Variants in LMBR1 observed in about 807,000 individuals in gnomAD.
LMBR1 encodes the protein limb region 1 protein homolog.
Under a neutral mutation model 73.9 loss-of-function variants are expected in LMBR1, and 52 were observed. That is an observed-to-expected ratio of 0.70 (90% confidence interval 0.56 to 0.89). The LOEUF (loss-of-function observed/expected upper bound fraction) is 0.89. Ranked by LOEUF, LMBR1 falls within the 40% of genes least tolerant of loss-of-function variation. The pLI is 0.00. For synonymous variants in LMBR1, 215 were observed against 209.4 expected (o/e 1.03, Z -0.23); for missense variants, 539 against 579.8 (o/e 0.93, Z 0.72).
intron 4 of LMBR1, among the ~76,000 whole-genome samples, chr7:156,817,192 A>G (rs1834047484): frequency 6.6e-6 from 1 of 152,182 alleles, no homozygotes; most frequent in South Asian, 2.1e-4. Context: ...ATTTCAAACT[A>G]CAATATACAA....
chr7:156,681,142 A>C lies in LMBR1; in HGVS notation c.*2936T>G. On this transcript the variant is annotated 3_prime_UTR_variant, in exon 17 of 17. Coordinates refer to ENST00000353442, the MANE Select transcript of LMBR1 (RefSeq NM_022458.4). ...ATGCATTAAATAACGTGCTACCAAC[A>C]AAACTAGCACATAAGAGCCTGTAAA... 1 of 447,574 alleles carries C rather than the reference A, an allele frequency of 2.2e-6. No homozygotes were observed. The highest frequency in any genetic ancestry group is 4.5e-6 in the Non-Finnish European group (1 of 224,412). 27.7% of individuals were successfully genotyped at this position (447,574 alleles called of 1,614,324 possible). A position where few individuals can be genotyped will look rare whatever the true frequency, so the allele number is the denominator to read the frequency against.
intron 10 of LMBR1, among the ~76,000 whole-genome samples, chr7:156,733,121 G>A (rs1817173322): frequency 6.6e-6 from 1 of 152,090 alleles, no homozygotes; most frequent in African/African-American, 2.4e-5. Context: ...CTCTAGCCTG[G>A]GCGACAGAGT....
rs556700575 is a variant in LMBR1 at position 156,685,765 on chromosome 7, T to G, written c.1388-1602A>C. On this transcript the variant is annotated intron_variant, in intron 16 of 16. Transcript: ENST00000353442. The surrounding 1 kb of genome is among the most constrained non-coding windows in gnomAD (Gnocchi z 4.1). ...CACAGCAGCACTTCCACAGGGCAGA[T>G]GTTGAGAAAATACTTTTCACGAAGC... 2.8e-4 allele frequency among the ~76,000 whole-genome samples: 42 copies of G among 152,368 alleles called. No homozygotes were observed. Among genetic ancestry groups the G allele is most frequent in the African/African-American group, 8.4e-4 (35 of 41,590 alleles).
At chr7:156,767,040 C>T (rs1057148123) in intron 5 of LMBR1, among the ~76,000 whole-genome samples, 2 of 152,192 alleles carry the variant, frequency 1.3e-5, no homozygotes, top group African/African-American at 2.4e-5. Context: ...CCTTGCTTAA[C>T]GGTGTGGGCC....
rs368516777 is a variant in LMBR1, at chr7:156,727,213, T to C, written c.993+717A>G. Among the ~76,000 whole-genome samples, 3 of 152,330 alleles carry C rather than the reference T, an allele frequency of 2.0e-5. No homozygotes were observed. The South Asian group carries it at 6.2e-4, about 32-fold the overall frequency. ...GAGATAATACTTTGGAATTATGCTA[T>C]CTCAAGAGAAGCCATGTAGGAAGGA... On this transcript the variant is annotated intron_variant, in intron 12 of 16. Coordinates refer to ENST00000353442, the MANE Select transcript of LMBR1 (RefSeq NM_022458.4).
rs1260693802 is a variant in LMBR1, at chr7:156,779,521, T to C, written c.424-15726A>G. On this transcript the variant is annotated intron_variant, in intron 5 of 16. Coordinates refer to ENST00000353442, the MANE Select transcript of LMBR1 (RefSeq NM_022458.4). ...CACTTGTAGACACACAGATTTCTTT[T>C]AGATTTAAATGGGAACTAAATGGAT... The C allele has an allele frequency of 3.2e-5, 8 of 246,386 alleles. No homozygotes were observed. The highest frequency in any genetic ancestry group is 5.0e-5 in the Non-Finnish European group (6 of 120,840). 15.3% of individuals were successfully genotyped at this position (246,386 alleles called of 1,614,324 possible).
At chr7:156,862,809 G>T (rs1797916552) in intron 1 of LMBR1, among the ~76,000 whole-genome samples, 1 of 152,184 alleles carries the variant, frequency 6.6e-6, no homozygotes, top group Admixed American at 6.5e-5. Context: ...AATTTCTTCT[G>T]TCTGACAGCC....
Position 156,726,380 on chromosome 7 carries a change from C to A in LMBR1, c.994-543G>T, listed in dbSNP as rs114340207. Among the ~76,000 whole-genome samples the A allele has an allele frequency of 9.9e-4, 150 of 151,986 alleles. 1 individual carries two copies. Among genetic ancestry groups the A allele is most frequent in the Middle Eastern group, 3.4e-3 (1 of 292 alleles). ...GAGTTACAAAGGATGTAACTGTTAACATAGATTTTTAAAAAAGTAATGCTA... is the reference window on the plus strand; with the variant it reads ...GAGTTACAAAGGATGTAACTGTTAAAATAGATTTTTAAAAAAGTAATGCTA... On this transcript the variant is annotated intron_variant, in intron 12 of 16. Transcript: ENST00000353442.
intron 1 of LMBR1, among the ~76,000 whole-genome samples, chr7:156,880,676 G>A (rs1001019610): frequency 4.0e-5 from 6 of 151,238 alleles, no homozygotes; most frequent in East Asian, 1.9e-4. Flanking sequence ...TTTCTGAGAC[G>A]GAGTCTCACT....
At chr7:156,867,358 T>C (rs1473261331) in intron 1 of LMBR1, among the ~76,000 whole-genome samples, 5 of 152,220 alleles carry the variant, frequency 3.3e-5, no homozygotes, top group Non-Finnish European at 7.3e-5. Flanking sequence ...AGGTTGGCAG[T>C]TCCTCAAAAT....
chr7:156,746,328 C>G (rs986469242), intron 9 of LMBR1, among the ~76,000 whole-genome samples: 1 of 152,040 alleles, frequency 6.6e-6, no homozygotes, highest in African/African-American at 2.4e-5. Context: ...AAAAAATAAG[C>G]TCATGAGTAT....
At chr7:156,832,198 T>C in intron 3 of LMBR1, among the ~76,000 whole-genome samples, 1 of 152,196 alleles carries the variant, frequency 6.6e-6, no homozygotes, top group East Asian at 1.9e-4. Context: ...CCTATGTCAT[T>C]TAAAATAAAT....
intron 5 of LMBR1, among the ~76,000 whole-genome samples, chr7:156,772,363 C>T (rs1348923490): frequency 6.6e-6 from 1 of 152,168 alleles, no homozygotes; most frequent in East Asian, 1.9e-4. Flanking sequence ...TCTCAACAAA[C>T]TAGGCTTTGA....
intron 1 of LMBR1, among the ~76,000 whole-genome samples, chr7:156,875,340 G>A (rs1000296876): frequency 5.3e-5 from 8 of 152,160 alleles, no homozygotes; most frequent in Admixed American, 2.6e-4. Context: ...CCAAATCTAA[G>A]AATAACTGCC....
chr7:156,795,648 G>C (rs997027555), intron 5 of LMBR1, among the ~76,000 whole-genome samples: 5 of 152,098 alleles, frequency 3.3e-5, no homozygotes, highest in Admixed American at 6.6e-5. Context: ...CAACCTGCAG[G>C]CTCAAGCAAT....
At chr7:156,820,635 T>A (rs967255202) in intron 4 of LMBR1, among the ~76,000 whole-genome samples, 1 of 152,122 alleles carries the variant, frequency 6.6e-6, no homozygotes, top group Non-Finnish European at 1.5e-5. Flanking sequence ...AGGTGAAGGA[T>A]AAATTGTTGA....
chr7:156,864,110 C>T (rs573012867), intron 1 of LMBR1, among the ~76,000 whole-genome samples: 16 of 152,032 alleles, frequency 1.1e-4, no homozygotes, highest in Admixed American at 7.2e-4. Context: ...GCTGAGATCA[C>T]GCCACTGCAC....
chr7:156,742,814 A>ATGATG lies in LMBR1; in HGVS notation c.758-8558_758-8557insCATCA, dbSNP rs570937787. 2.4e-3 allele frequency among the ~76,000 whole-genome samples: 373 copies of ATGATG among 152,264 alleles called. 1 individual carries two copies. Among genetic ancestry groups the ATGATG allele is most frequent in the Middle Eastern group, 0.024 (7 of 294 alleles). On this transcript the variant is annotated intron_variant, in intron 9 of 16. Transcript: ENST00000353442. ...ACACATCAAAGAAAGCAAACTACAGACCAACATCTCTGATGAATATTGATG... is the reference window on the plus strand; with the variant it reads ...ACACATCAAAGAAAGCAAACTACAGATGATGCCAACATCTCTGATGAATATTGATG...
downstream of LMBR1, chr7:156,675,687 C>T (rs370799805): frequency 2.1e-5 from 33 of 1,606,566 alleles, no homozygotes; most frequent in African/African-American, 4.3e-4. Context: ...GCCCCCGCCT[C>T]CTCCTCAGTT....
Sources: allele counts gnomAD v4.1 joint callset (sites outside exome capture counted in the v4.1 genomes callset), GRCh38; gene constraint gnomAD v4.1.1; non-coding constraint Gnocchi (gnomAD v3.1); transcripts MANE v1.5; gene names NCBI Gene and HGNC (gene_info 2026-07-23, HGNC 2026-07-21).